The following PDE8B variants were observed in gnomAD, a reference collection of about 807,000 sequenced individuals.
PDE8B encodes the protein phosphodiesterase 8B.
A neutral mutation model predicts 101.3 loss-of-function variants in PDE8B; 26 were observed. The ratio of observed to expected loss-of-function variants is 0.26; its 90% CI spans 0.19 to 0.36. PDE8B has a LOEUF of 0.36. Among genes scored for constraint, PDE8B ranks in the 10% least tolerant of loss-of-function variants. The pLI is 1.00. For synonymous variants in PDE8B, 424 were observed against 429.3 expected (o/e 0.99, Z 0.15); for missense variants, 810 against 1,163.1 (o/e 0.70, Z 4.42).
chr5:77,280,624 G>A (rs1448670602), intron 1 of PDE8B, among the ~76,000 whole-genome samples: 1 of 152,098 alleles, frequency 6.6e-6, no homozygotes, highest in Non-Finnish European at 1.5e-5. Flanking sequence ...GGCCAGGCGC[G>A]GTGGCTCACG....
chr5:77,401,447 T>C (rs1792257559), intron 11 of PDE8B, among the ~76,000 whole-genome samples: 1 of 152,244 alleles, frequency 6.6e-6, no homozygotes. Context: ...CAAATATTGG[T>C]AAATTGAAAC....
At chr5:77,137,195 T>A in the PDE8B span, among the ~76,000 whole-genome samples, 2 of 152,224 alleles carry the variant, frequency 1.3e-5, no homozygotes, top group African/African-American at 4.8e-5. Flanking sequence ...TTCTCCATCA[T>A]CTTAAGCTGA....
chr5:77,342,001 G>T (rs541286106), intron 6 of PDE8B, among the ~76,000 whole-genome samples: 1 of 152,220 alleles, frequency 6.6e-6, no homozygotes, highest in Non-Finnish European at 1.5e-5. Flanking sequence ...TTCTCACACT[G>T]ATATCTTCAT....
chr5:77,100,965 CTTTTTT>C, the PDE8B span, among the ~76,000 whole-genome samples: 1 of 124,412 alleles, frequency 8.0e-6, no homozygotes, highest in Non-Finnish European at 1.7e-5. Context: ...ATTTTTTTTC[CTTTTTT>C]TTTTTTTTTT....
chr5:77,262,661 A>T (rs1468868617), intron 1 of PDE8B, among the ~76,000 whole-genome samples: 1 of 152,210 alleles, frequency 6.6e-6, no homozygotes, highest in Non-Finnish European at 1.5e-5. Context: ...CTTGTTGCAT[A>T]CCGGAATTGG....
At chr5:77,246,567 C>G (rs1416862057) in intron 1 of PDE8B, among the ~76,000 whole-genome samples, 1 of 152,164 alleles carries the variant, frequency 6.6e-6, no homozygotes, top group Non-Finnish European at 1.5e-5. Context: ...ATCTGAAATT[C>G]CAATTTCGGT....
intron 17 of PDE8B, among the ~76,000 whole-genome samples, chr5:77,417,487 AAAT>A (rs1219206364): frequency 6.6e-6 from 1 of 152,238 alleles, no homozygotes; most frequent in Admixed American, 6.5e-5. Flanking sequence ...GGCACTCAAT[AAAT>A]AATAAATTCC....
At chr5:77,138,690 A>G in the PDE8B span, among the ~76,000 whole-genome samples, 23 of 152,322 alleles carry the variant, frequency 1.5e-4, no homozygotes, top group African/African-American at 5.3e-4. Flanking sequence ...CTTCTTTGAA[A>G]TGATCTGCAT....
chr5:77,163,642 T>G, the PDE8B span, among the ~76,000 whole-genome samples: 1 of 152,212 alleles, frequency 6.6e-6, no homozygotes, highest in Non-Finnish European at 1.5e-5. Flanking sequence ...GTTCTTTGGG[T>G]CTGGCCCAAG....
At chr5:77,115,637 AC>A in the PDE8B span, among the ~76,000 whole-genome samples, 1 of 152,190 alleles carries the variant, frequency 6.6e-6, no homozygotes, top group Non-Finnish European at 1.5e-5. Flanking sequence ...AAAAGAAAGA[AC>A]CTGAAGGACC....
chr5:77,144,821 T>C, the PDE8B span: 1 of 152,042 alleles, frequency 6.6e-6, no homozygotes, highest in Non-Finnish European at 1.5e-5. Context: ...CTGATTTCAA[T>C]ATCACCCCCA....
rs75535872 is a variant in PDE8B, at chr5:77,271,441, G to A, written c.340-40553G>A. ...GATGACAAATGGTTAAGGAGTTGGG[G>A]ATAGGGGTGTAGATGGGACAGCCAA... On this transcript the variant is annotated intron_variant, in intron 1 of 21. Transcript: ENST00000264917. Among the ~76,000 whole-genome samples the A allele has an allele frequency of 4.8e-3, 736 of 152,332 alleles. 7 individuals are homozygous for A. The highest frequency in any genetic ancestry group is 0.017 in the African/African-American group (713 of 41,570).
chr5:77,335,656 G>GCCTA (rs1342684257), intron 5 of PDE8B, among the ~76,000 whole-genome samples: 1 of 152,018 alleles, frequency 6.6e-6, no homozygotes, highest in Non-Finnish European at 1.5e-5. Context: ...TTTCAGCAGG[G>GCCTA]CCTAGTATTC....
chr5:77,244,428 A>G (rs978488174), intron 1 of PDE8B, among the ~76,000 whole-genome samples: 2 of 152,084 alleles, frequency 1.3e-5, no homozygotes, highest in Non-Finnish European at 2.9e-5. Flanking sequence ...AAGAGAAATG[A>G]TCTGGGTCTA....
At position 77,210,764 on chromosome 5, in the gene PDE8B, G is replaced by T; in HGVS notation, c.-162G>T. The stretch of plus-strand genomic sequence containing the variant: ...CGCGCGCGGTCCCCGGAGGCTCGGC[G>T]GGGGGCACCGCGGCCAGCCCGACGG... On this transcript the variant is annotated 5_prime_UTR_variant, in exon 1 of 22. Transcript: ENST00000264917. The surrounding 1 kb of genome is among the most constrained non-coding windows in gnomAD (Gnocchi z 4.9). 9.2e-6 allele frequency: 9 copies of T among 982,350 alleles called. No individual in the cohort carries two copies. Among genetic ancestry groups the T allele is most frequent in the Admixed American group, 6.3e-5 (1 of 15,962 alleles). The allele number at this position is 982,350 out of a possible 1,614,324, so 60.9% of individuals were successfully genotyped here. A position where few individuals can be genotyped will look rare whatever the true frequency, so the allele number is the denominator to read the frequency against.
At chr5:77,317,279 A>G (rs1773966862) in intron 2 of PDE8B, among the ~76,000 whole-genome samples, 1 of 152,218 alleles carries the variant, frequency 6.6e-6, no homozygotes, top group Non-Finnish European at 1.5e-5. Context: ...TTCTCCTTGA[A>G]GAAAACTATT....
chr5:77,222,324 A>T lies in PDE8B; in HGVS notation c.339+11060A>T, dbSNP rs540434898. On this transcript the variant is annotated intron_variant, in intron 1 of 21. Coordinates refer to ENST00000264917, the MANE Select transcript of PDE8B (RefSeq NM_003719.5). ...GGCGCTACTCTAGGTTTGGAGTGAT[A>T]AAAAAAATGAATATGATGGCCGGGC... Among the ~76,000 whole-genome samples the T allele has an allele frequency of 4.9e-4, 75 of 151,970 alleles. 1 individual carries two copies. The highest frequency in any genetic ancestry group is 3.4e-3 in the Middle Eastern group (1 of 292).
intron 1 of PDE8B, among the ~76,000 whole-genome samples, chr5:77,215,322 T>C (rs1749444376): frequency 6.6e-6 from 1 of 152,234 alleles, no homozygotes; most frequent in Non-Finnish European, 1.5e-5. Flanking sequence ...TTCACCATCA[T>C]TTTTCATTTT....
chr5:77,160,105 T>A, the PDE8B span, among the ~76,000 whole-genome samples: 2 of 152,146 alleles, frequency 1.3e-5, no homozygotes, highest in African/African-American at 2.4e-5. Context: ...GGCATCCTGT[T>A]AAAGCAAAAG....
Sources: gnomAD v4.1 joint callset for allele counts (sites outside exome capture counted in the v4.1 genomes callset) on GRCh38, gnomAD v4.1.1 for gene constraint, Gnocchi (gnomAD v3.1) non-coding constraint, MANE v1.5 for transcripts, NCBI Gene and HGNC (gene_info 2026-07-23, HGNC 2026-07-21) for gene names.